The following MATN4 variants were observed in gnomAD, a reference collection of about 807,000 sequenced individuals.
The protein encoded by MATN4 is matrilin-4.
MATN4 carries 40 observed loss-of-function variants against 54.6 expected under a neutral mutation model. The ratio of observed to expected loss-of-function variants is 0.73; its 90% CI spans 0.57 to 0.95. The LOEUF is 0.95. Ranked by LOEUF, MATN4 falls within the 40% of genes least tolerant of loss-of-function variation. MATN4 has a pLI of 0.00. For missense variants in MATN4, 810 were observed against 819.1 expected (o/e 0.99, Z 0.13); for synonymous variants, 351 against 345.3 (o/e 1.02, Z -0.18).
In MATN4 at chr20:45,293,880, A is replaced by T. The variant is rs200350607; in HGVS notation, c.1687+28T>A. On this transcript the variant is annotated intron_variant, in intron 9 of 9. Transcript: ENST00000372756. ...GCCGAGGTCCCTTCACTTTCCCTCC[A>T]GCCCGCGCCACCAGCCCCAAAGGAT... 1.9e-5 allele frequency: 30 copies of T among 1,606,968 alleles called. No homozygotes were observed. The East Asian group carries it at 6.0e-4, about 32-fold the overall frequency.
Position 45,298,076 on chromosome 20 carries a change from A to G in MATN4, c.1427-6T>C. 6.2e-7 allele frequency: 1 copy of G among 1,611,722 alleles called. No homozygotes were observed. Among genetic ancestry groups the G allele is most frequent in the East Asian group, 2.2e-5 (1 of 44,820 alleles). ...CACGGCGTACATGACGATGCCTGCA[A>G]GGCCGGGGTCTCAGAGGGTGCCCCA... On this transcript the variant is annotated splice_region_variant and splice_polypyrimidine_tract_variant and intron_variant, in intron 7 of 9. Transcript: ENST00000372756. This position sits in a 1 kb window ranked among gnomAD's most constrained non-coding sequence, Gnocchi z 4.6.
At position 45,293,462 on chromosome 20, in the gene MATN4, T is replaced by A. The variant is rs2145633684; in HGVS notation, c.*305A>T. The A allele has an allele frequency of 3.0e-6, 1 of 335,114 alleles. No individual in the cohort carries two copies. The highest frequency in any genetic ancestry group is 1.1e-4 in the South Asian group (1 of 8,940). 20.8% of individuals were successfully genotyped at this position (335,114 alleles called of 1,614,324 possible). A position where few individuals can be genotyped will look rare whatever the true frequency, so the allele number is the denominator to read the frequency against. On this transcript the variant is annotated 3_prime_UTR_variant, in exon 10 of 10. Transcript: ENST00000372756. ...AAAACGGACCCCGTGGAAATCAGTT[T>A]TTTTTATTTTTTTAAGAACACAAAC...
intron 1 of MATN4, among the ~76,000 whole-genome samples, chr20:45,306,187 G>A (rs1031630289): frequency 6.6e-6 from 1 of 152,150 alleles, no homozygotes; most frequent in African/African-American, 2.4e-5. Flanking sequence ...TTCCTTAAAT[G>A]TCAGGCACAG....
At position 45,293,499 on chromosome 20, in the gene MATN4, CA is replaced by C. The variant is rs1223226801; in HGVS notation, c.*267del. On this transcript the variant is annotated 3_prime_UTR_variant, in exon 10 of 10. Transcript: ENST00000372756. ...TTAAGAACACAAACAAGAAATCCAA[CA>C]AAGAACTGAGCGCAGCACGCGGCGA... The C allele has an allele frequency of 2.6e-5, 11 of 421,392 alleles. No homozygotes were observed. The East Asian group carries it at 4.0e-4, about 15-fold the overall frequency. 26.1% of individuals were successfully genotyped at this position (421,392 alleles called of 1,614,324 possible).
At chr20:45,301,262 A>T in intron 4 of MATN4, 38 bp from the exon 5 acceptor site, 1 of 1,471,462 alleles carries the variant, frequency 6.8e-7, no homozygotes, top group African/African-American at 1.4e-5. Context: ...GTTGCCTCTG[A>T]TTGGAGCCCT....
Position 45,293,924 on chromosome 20 carries a change from C to T in MATN4, c.1671G>A (p.Glu557=), listed in dbSNP as rs2741515. 1.2e-6 allele frequency: 2 copies of T among 1,601,950 alleles called. No individual in the cohort carries two copies. The highest frequency in any genetic ancestry group is 1.7e-6 in the Non-Finnish European group (2 of 1,178,494). ...AAAGGATATGGTTCAGCGTCAGGCTCTCGAGCGCCCCCAGCGTGCGGCCCT... is the reference window on the plus strand; with the variant it reads ...AAAGGATATGGTTCAGCGTCAGGCTTTCGAGCGCCCCCAGCGTGCGGCCCT... ...EFQGRTLGAL[E]SLTLNLAQLT... Residue 557 remains glutamate, a synonymous_variant, in exon 9 of 10, where the codon GAG becomes GAA. Coordinates refer to ENST00000372756, the MANE Select transcript of MATN4 (RefSeq NM_001393530.1).
In MATN4 at chr20:45,298,643, A is replaced by G. The variant is rs1986028823; in HGVS notation, c.1013-60T>C. On this transcript the variant is annotated intron_variant, in intron 6 of 9. Transcript: ENST00000372756. The surrounding 1 kb of genome is among the most constrained non-coding windows in gnomAD (Gnocchi z 4.6). ...GATTCTGGACTGGCAGCAGCTGTCT[A>G]TCCATCTAGTCGTTCATTCGCAAAC... 3 of 1,359,604 alleles carry G rather than the reference A, an allele frequency of 2.2e-6. No homozygotes were observed. Among genetic ancestry groups the G allele is most frequent in the South Asian group, 1.4e-5 (1 of 71,168 alleles). 84.2% of individuals were successfully genotyped at this position (1,359,604 alleles called of 1,614,324 possible). A position where few individuals can be genotyped will look rare whatever the true frequency, so the allele number is the denominator to read the frequency against.
At position 45,301,380 on chromosome 20, in the gene MATN4, G is replaced by C. The variant is rs1241230734; in HGVS notation, c.707C>G (p.Ser236Cys). The C allele has an allele frequency of 6.2e-7, 1 of 1,614,032 alleles. No individual in the cohort carries two copies. The highest frequency in any genetic ancestry group is 8.5e-7 in the Non-Finnish European group (1 of 1,180,038). The change falls in exon 4 of 10, where the codon TCC (serine) becomes TGC (cysteine). Residue 236 changes from serine (S) to cysteine (C), a missense_variant. Transcript: ENST00000372756. ...GCCAACTTGGCAGTGACAGAAATAG[G>C]AGCCTGGGGAATTGACGCAGTGGTG... ...CEHHCVNSPG[S>C]YFCHCQVGFV...
intron 5 of MATN4, 46 bp from the exon 6 acceptor site, chr20:45,301,055 G>C (rs577206398): frequency 6.2e-7 from 1 of 1,613,922 alleles, no homozygotes; most frequent in Non-Finnish European, 8.5e-7. Context: ...GACCCCACCA[G>C]CTAAGATCTC....
chr20:45,303,730 A>G (rs1471179055), intron 3 of MATN4, among the ~76,000 whole-genome samples: 1 of 152,222 alleles, frequency 6.6e-6, no homozygotes, highest in Non-Finnish European at 1.5e-5. Flanking sequence ...GAGACACTCA[A>G]TTAGACACGT....
chr20:45,293,478 G>A lies in MATN4; in HGVS notation c.*289C>T, dbSNP rs983384120. ...AAATCAGTTTTTTTTATTTTTTTAAGAACACAAACAAGAAATCCAACAAAG... is the reference window on the plus strand; with the variant it reads ...AAATCAGTTTTTTTTATTTTTTTAAAAACACAAACAAGAAATCCAACAAAG... On this transcript the variant is annotated 3_prime_UTR_variant, in exon 10 of 10. Transcript: ENST00000372756. The A allele has an allele frequency of 2.4e-5, 9 of 379,474 alleles. No individual in the cohort carries two copies. The highest frequency in any genetic ancestry group is 1.9e-4 in the African/African-American group (9 of 47,748). The allele number at this position is 379,474 out of a possible 1,614,324, so 23.5% of individuals were successfully genotyped here. A position where few individuals can be genotyped will look rare whatever the true frequency, so the allele number is the denominator to read the frequency against.
chr20:45,306,882 A>G (rs1025676073), intron 1 of MATN4: 26 of 1,255,340 alleles, frequency 2.1e-5, no homozygotes, highest in Middle Eastern at 2.6e-4. Flanking sequence ...GGACTCGTCC[A>G]GAGGGCGGCG....
upstream of MATN4, chr20:45,308,382 G>A (rs1389607130): frequency 4.7e-6 from 3 of 632,584 alleles, no homozygotes; most frequent in East Asian, 2.7e-5. Context: ...CCTCCCACTG[G>A]CAGGGAGGGA....
intron 8 of MATN4, among the ~76,000 whole-genome samples, chr20:45,296,267 A>G (rs1985823660): frequency 6.6e-6 from 1 of 151,558 alleles, no homozygotes; most frequent in African/African-American, 2.4e-5. Context: ...CATAGAAAAA[A>G]AAAATGCTAC....
intron 1 of MATN4, chr20:45,306,831 C>T (rs777057337): frequency 5.0e-6 from 5 of 995,020 alleles, no homozygotes; most frequent in Non-Finnish European, 6.6e-6. Context: ...GCGCAAGAGC[C>T]GAGGAGCAGG....
intron 3 of MATN4, chr20:45,303,486 T>A (rs748994742): frequency 5.6e-6 from 4 of 715,694 alleles, no homozygotes; most frequent in Non-Finnish European, 1.0e-5. Flanking sequence ...GGCAACCATG[T>A]CCCCCCTCAG....
Position 45,298,349 on chromosome 20 carries a change from T to C in MATN4, c.1247A>G (p.Glu416Gly). ...TGTCATGGTGCCGCGTTCCATGTAC[T>C]CCACGGCCAGGACCGCCTGCTTCAC... is the stretch of plus-strand genomic sequence containing the variant. ...AEVKQAVLAVEYMERGTMTGL... is the reference protein window; with the variant it reads ...AEVKQAVLAVGYMERGTMTGL... The change falls in exon 7 of 10, where the codon GAG becomes GGG. Residue 416 changes from glutamate to glycine, a missense_variant. Glu to Gly is a moderately conservative substitution (Grantham distance 98). Coordinates refer to ENST00000372756, the MANE Select transcript of MATN4 (RefSeq NM_001393530.1). This position sits in a 1 kb window ranked among gnomAD's most constrained non-coding sequence, Gnocchi z 4.6. 1 of 1,613,220 alleles carries C rather than the reference T, an allele frequency of 6.2e-7. No homozygotes were observed. Among genetic ancestry groups the C allele is most frequent in the Non-Finnish European group, 8.5e-7 (1 of 1,179,662 alleles).
Position 45,308,226 on chromosome 20 carries a change from C to CGGAGCCTCCCGGGCACTTGGACCAGGTA in MATN4, c.-114_-87dup. The CGGAGCCTCCCGGGCACTTGGACCAGGTA allele has an allele frequency of 6.2e-7, 1 of 1,613,684 alleles. No homozygotes were observed. Among genetic ancestry groups the CGGAGCCTCCCGGGCACTTGGACCAGGTA allele is most frequent in the Non-Finnish European group, 8.5e-7 (1 of 1,179,584 alleles). ...GCAGCTGCAGAGCGAAGCCGACAGG[C>CGGAGCCTCCCGGGCACTTGGACCAGGTA]GGAGCCTCCCGGGCACTTGGACCAG... is the stretch of plus-strand genomic sequence containing the variant. On this transcript the variant is annotated 5_prime_UTR_variant, in exon 1 of 10. Transcript: ENST00000372756.
intron 8 of MATN4, among the ~76,000 whole-genome samples, chr20:45,295,825 C>T (rs1985781450): frequency 6.6e-6 from 1 of 152,152 alleles, no homozygotes; most frequent in Non-Finnish European, 1.5e-5. Flanking sequence ...TTAAAACTGG[C>T]ACATGTTTTT....
Sources: allele counts gnomAD v4.1 joint callset (sites outside exome capture counted in the v4.1 genomes callset), GRCh38; gene constraint gnomAD v4.1.1; non-coding constraint Gnocchi (gnomAD v3.1); transcripts MANE v1.5; gene names NCBI Gene and HGNC (gene_info 2026-07-23, HGNC 2026-07-21).